The following LRFN5 variants were observed in gnomAD, a reference collection of about 807,000 sequenced individuals.
The protein encoded by LRFN5 is leucine rich repeat and fibronectin type III domain containing 5, also known as leucine-rich repeat and fibronectin type-III domain-containing protein 5.
LRFN5 carries 24 observed loss-of-function variants against 45.6 expected under a neutral mutation model. That is an observed-to-expected ratio of 0.53 (90% CI 0.38 to 0.74). The LOEUF (loss-of-function observed/expected upper bound fraction) is 0.74. Ranked by LOEUF, LRFN5 falls within the 30% of genes least tolerant of loss-of-function variation. LRFN5 has a pLI of 0.00. For synonymous variants in LRFN5, 340 were observed against 313.8 expected, an observed-to-expected ratio of 1.08 and a Z score of -0.88; for missense variants, 776 against 861.5, an observed-to-expected ratio of 0.90 and a Z score of 1.24.
chr14:41,714,787 C>G (rs549626336), intron 1 of LRFN5, among the ~76,000 whole-genome samples: 9 of 152,014 alleles, frequency 5.9e-5, no homozygotes, highest in Non-Finnish European at 1.3e-4. Flanking sequence ...CACCTATAGT[C>G]CCAGCTACTC....
chr14:41,719,615 CT>C (rs964588256), intron 1 of LRFN5, among the ~76,000 whole-genome samples: 42 of 152,090 alleles, frequency 2.8e-4, no homozygotes, highest in African/African-American at 9.6e-4. Context: ...TGTCTAATCA[CT>C]TTCTTGTTTC....
intron 1 of LRFN5, among the ~76,000 whole-genome samples, chr14:41,708,888 A>G (rs555650684): frequency 8.2e-4 from 125 of 152,096 alleles, no homozygotes; most frequent in African/African-American, 2.9e-3. Context: ...TGTCTGGTTT[A>G]TCTTAAGAAT....
intron 1 of LRFN5, among the ~76,000 whole-genome samples, chr14:41,737,561 A>G (rs1252369446): frequency 2.0e-5 from 3 of 152,122 alleles, no homozygotes; most frequent in Non-Finnish European, 4.4e-5. Context: ...AAATCAAATT[A>G]TCTCTGTTTG....
intron 1 of LRFN5, among the ~76,000 whole-genome samples, chr14:41,639,659 C>G (rs1170553899): frequency 6.6e-6 from 1 of 152,046 alleles, no homozygotes; most frequent in Admixed American, 6.6e-5. Context: ...TACAGGATAA[C>G]AATGTTTAAT....
Position 41,886,919 on chromosome 14 carries a change from A to G in LRFN5, c.294A>G (p.Leu98=), listed in dbSNP as rs1277077752. The change falls in exon 3 of 6, where the codon CTA becomes CTG. Residue 98 remains leucine, a synonymous_variant. Coordinates refer to ENST00000298119, the MANE Select transcript of LRFN5 (RefSeq NM_152447.5). ...SFITPHAFAD[L]RNLRALHLNS... ...TTACACCTCATGCTTTCGCTGACCT[A>G]CGAAATTTGAGGGCTTTGCATTTGA... 5 of 1,614,104 alleles carry G rather than the reference A, an allele frequency of 3.1e-6. No homozygotes were observed. The highest frequency in any genetic ancestry group is 2.2e-5 in the East Asian group (1 of 44,890).
intron 2 of LRFN5, among the ~76,000 whole-genome samples, chr14:41,809,229 G>C: frequency 6.6e-6 from 1 of 152,042 alleles, no homozygotes; most frequent in East Asian, 1.9e-4. Flanking sequence ...TTATGAAATA[G>C]TCATGAAGTG....
intron 2 of LRFN5, among the ~76,000 whole-genome samples, chr14:41,880,204 G>A (rs1031934099): frequency 3.9e-5 from 6 of 151,908 alleles, no homozygotes; most frequent in Non-Finnish European, 7.4e-5. Flanking sequence ...TGGGATTACA[G>A]GTGTGAGCCA....
At chr14:41,621,492 C>T (rs1283347435) in intron 1 of LRFN5, among the ~76,000 whole-genome samples, 11 of 151,992 alleles carry the variant, frequency 7.2e-5, no homozygotes, top group Non-Finnish European at 1.5e-4. Context: ...ATGTATCAGT[C>T]CAAGAAGGAG....
At chr14:41,795,890 C>T (rs1006654988) in intron 2 of LRFN5, among the ~76,000 whole-genome samples, 8 of 150,394 alleles carry the variant, frequency 5.3e-5, no homozygotes, top group Non-Finnish European at 1.0e-4. Flanking sequence ...CTAACTTGCA[C>T]GTTGTGCACA....
chr14:41,845,239 G>A (rs1450795940), intron 2 of LRFN5, among the ~76,000 whole-genome samples: 2 of 152,030 alleles, frequency 1.3e-5, no homozygotes, highest in Non-Finnish European at 1.5e-5. Flanking sequence ...ACTATTTAAA[G>A]GACACGACAA....
rs537139083 is a variant in LRFN5, at chr14:41,634,118, G to A, written c.-197+25556G>A. 2.6e-5 allele frequency among the ~76,000 whole-genome samples: 4 copies of A among 152,184 alleles called. 1 individual carries two copies. The highest frequency in any genetic ancestry group is 9.6e-5 in the African/African-American group (4 of 41,544). On this transcript the variant is annotated intron_variant, in intron 1 of 5. Coordinates refer to ENST00000298119, the MANE Select transcript of LRFN5 (RefSeq NM_152447.5). ...GTGTCACAGGATTCTTCATAGTACA[G>A]TGACTGTTATAAAATAAACTCATAC...
chr14:41,783,330 T>C (rs1472434943), intron 2 of LRFN5, among the ~76,000 whole-genome samples: 1 of 152,156 alleles, frequency 6.6e-6, no homozygotes, highest in African/African-American at 2.4e-5. Flanking sequence ...CTCTAACAGC[T>C]GCTGCTCCAG....
intron 2 of LRFN5, among the ~76,000 whole-genome samples, chr14:41,777,554 C>G (rs891687432): frequency 5.3e-5 from 8 of 151,588 alleles, no homozygotes; most frequent in Non-Finnish European, 1.2e-4. Context: ...TTTGTTATTC[C>G]GATTACATGT....
chr14:41,747,945 T>G (rs7157105), intron 1 of LRFN5, among the ~76,000 whole-genome samples: 1 of 151,766 alleles, frequency 6.6e-6, no homozygotes, highest in Non-Finnish European at 1.5e-5. Context: ...AAATCAAAAC[T>G]GCCATGTAAT....
chr14:41,668,117 G>C (rs141944612), intron 1 of LRFN5, among the ~76,000 whole-genome samples: 336 of 152,202 alleles, frequency 2.2e-3, no homozygotes, highest in Non-Finnish European at 3.9e-3. Context: ...GTTAATATAA[G>C]GGAGGTGCTT....
intron 2 of LRFN5, among the ~76,000 whole-genome samples, chr14:41,839,316 A>AT (rs35085055): frequency 1.3e-5 from 2 of 150,636 alleles, no homozygotes; most frequent in Admixed American, 6.6e-5. Context: ...ATAAGAGTAG[A>AT]TTTTTTTTAA....
chr14:41,649,646 T>C (rs1387604975), intron 1 of LRFN5, among the ~76,000 whole-genome samples: 39 of 152,156 alleles, frequency 2.6e-4, no homozygotes, highest in Non-Finnish European at 7.3e-5. Flanking sequence ...CTTTGATATT[T>C]TATCAGGTTC....
At chr14:41,647,553 G>T (rs922710796) in intron 1 of LRFN5, among the ~76,000 whole-genome samples, 2 of 152,162 alleles carry the variant, frequency 1.3e-5, no homozygotes, top group Non-Finnish European at 1.5e-5. Flanking sequence ...ACTGAAGGGG[G>T]CAGAGAAGTG....
intron 1 of LRFN5, among the ~76,000 whole-genome samples, chr14:41,649,128 G>T (rs1457490302): frequency 6.6e-6 from 1 of 151,978 alleles, no homozygotes; most frequent in East Asian, 1.9e-4. Context: ...CAGCTACTCG[G>T]AAGGCTGAGG....
Sources: allele counts gnomAD v4.1 joint callset (sites outside exome capture counted in the v4.1 genomes callset), GRCh38; gene constraint gnomAD v4.1.1; transcripts MANE v1.5; gene names NCBI Gene and HGNC (gene_info 2026-07-23, HGNC 2026-07-21).